Variants in ITGAV observed in about 807,000 individuals in gnomAD.
ITGAV encodes integrin subunit alpha V.
Under a neutral mutation model 143.8 loss-of-function variants are expected in ITGAV, and 76 were observed. That is an observed-to-expected ratio of 0.53 (90% CI 0.44 to 0.64). The LOEUF (loss-of-function observed/expected upper bound fraction) is 0.64. ITGAV is among the 30% of genes least tolerant of loss of function. The probability of loss-of-function intolerance (pLI) is 0.00; values close to 1 mark genes in which losing one functional copy is unlikely to be tolerated. For synonymous variants in ITGAV, 453 were observed against 446.7 expected (o/e 1.01, Z -0.18); for missense variants, 1,193 against 1,274.7 (o/e 0.94, Z 0.98).
intron 2 of ITGAV, among the ~76,000 whole-genome samples, chr2:186,610,085 C>A (rs7564648): frequency 6.6e-4 from 100 of 152,064 alleles, no homozygotes; most frequent in African/African-American, 2.4e-3. Flanking sequence ...CAGTACCCGT[C>A]TTATTAATTT....
At chr2:186,659,246 AGAG>A (rs1336449417) in intron 18 of ITGAV, 71 bp downstream of exon 18, 96 of 1,064,148 alleles carry the variant, frequency 9.0e-5, no homozygotes, top group Middle Eastern at 2.4e-4. Flanking sequence ...TTTAAATATT[AGAG>A]GAGATTTCCT....
chr2:186,600,968 A>G (rs1686886953), intron 1 of ITGAV, among the ~76,000 whole-genome samples: 1 of 152,060 alleles, frequency 6.6e-6, no homozygotes, highest in African/African-American at 2.4e-5. Context: ...TCAAAAAAAA[A>G]AAAAAAGGCA....
At chr2:186,667,989 T>G (rs1171756202) in intron 24 of ITGAV, 3 of 278,702 alleles carry the variant, frequency 1.1e-5, no homozygotes, top group Non-Finnish European at 2.0e-5. Flanking sequence ...TTTATATAAT[T>G]TGTTGTTTAA....
chr2:186,676,974 A>C (rs773593966), intron 29 of ITGAV, 39 bp downstream of exon 29: 1 of 1,595,822 alleles, frequency 6.3e-7, no homozygotes, highest in Non-Finnish European at 8.6e-7. Context: ...GAGGGAAAGC[A>C]GAAGAAAAGG....
chr2:186,619,484 C>CTAGAAAA (rs1687463774), intron 2 of ITGAV, among the ~76,000 whole-genome samples: 1 of 151,962 alleles, frequency 6.6e-6, no homozygotes, highest in Non-Finnish European at 1.5e-5. Context: ...GTGTTTTCTA[C>CTAGAAAA]CACTGTAGGG....
rs985363497 is a variant in ITGAV at position 186,590,310 on chromosome 2, C to T, written c.-29C>T. ...GGCGGGGGGAGGTGGCTACCGCTCC[C>T]GGCTTGGCGTCCCGCGCGCACTTCG... is the stretch of plus-strand genomic sequence containing the variant. On this transcript the variant is annotated 5_prime_UTR_variant, in exon 1 of 30. Transcript: ENST00000261023. 2 of 1,532,666 alleles carry T rather than the reference C, an allele frequency of 1.3e-6. No homozygotes were observed. The highest frequency in any genetic ancestry group is 2.9e-5 in the African/African-American group (2 of 69,750). The allele number at this position is 1,532,666 out of a possible 1,614,324, so 94.9% of individuals were successfully genotyped here. A position where few individuals can be genotyped will look rare whatever the true frequency, so the allele number is the denominator to read the frequency against.
At position 186,656,398 on chromosome 2, in the gene ITGAV, G is replaced by T; in HGVS notation, c.1716G>T (p.Leu572=). 1 of 1,473,350 alleles carries T rather than the reference G, an allele frequency of 6.8e-7. No homozygotes were observed. The highest frequency in any genetic ancestry group is 9.0e-7 in the Non-Finnish European group (1 of 1,116,056). 91.3% of individuals were successfully genotyped at this position (1,473,350 alleles called of 1,614,324 possible). Residue 572 remains leucine, a synonymous_variant, in exon 17 of 30, where the codon CTG becomes CTT. Transcript: ENST00000261023. ...LMQCEELIAY[L]RDESEFRDKL... is the part of the protein sequence containing the mutation. ...AGTGTGAGGAATTGATAGCGTATCT[G>T]CGGGTAAGAGCTAACTTTTCTGCTA...
chr2:186,615,023 C>T (rs1172810946), intron 2 of ITGAV, among the ~76,000 whole-genome samples: 1 of 151,988 alleles, frequency 6.6e-6, no homozygotes, highest in African/African-American at 2.4e-5. Context: ...CCATTTGTAC[C>T]TCCAGCCCTA....
intron 2 of ITGAV, among the ~76,000 whole-genome samples, chr2:186,616,310 G>A (rs529657265): frequency 9.4e-5 from 11 of 117,552 alleles, no homozygotes; most frequent in South Asian, 8.0e-4. Context: ...ACGGAGTCTC[G>A]CTCTGTCGCC....
At chr2:186,657,977 A>G (rs1688637807) in intron 17 of ITGAV, among the ~76,000 whole-genome samples, 1 of 152,168 alleles carries the variant, frequency 6.6e-6, no homozygotes, top group African/African-American at 2.4e-5. Context: ...AAATATTTCA[A>G]AGTCAATCTG....
intron 3 of ITGAV, among the ~76,000 whole-genome samples, chr2:186,625,260 C>T (rs1237250591): frequency 6.6e-6 from 1 of 151,934 alleles, no homozygotes; most frequent in African/African-American, 2.4e-5. Flanking sequence ...CATGTGGTGC[C>T]AGCTACTCAA....
chr2:186,633,765 A>T (rs7585442), intron 6 of ITGAV, among the ~76,000 whole-genome samples: 48,797 of 151,926 alleles, frequency 0.32, 8,833 homozygotes, highest in East Asian at 0.76. Flanking sequence ...GGCATTCTAA[A>T]AGTTGAAGGT....
intron 3 of ITGAV, among the ~76,000 whole-genome samples, chr2:186,623,693 C>T (rs1339183998): frequency 1.3e-5 from 2 of 152,254 alleles, no homozygotes; most frequent in Non-Finnish European, 2.9e-5. Flanking sequence ...TTGTTTCCTT[C>T]CATCAAAGAA....
Position 186,593,454 on chromosome 2 carries a change from G to A in ITGAV, c.185+2931G>A, listed in dbSNP as rs1438601741. On this transcript the variant is annotated intron_variant, in intron 1 of 29. Coordinates refer to ENST00000261023, the MANE Select transcript of ITGAV (RefSeq NM_002210.5). The stretch of plus-strand genomic sequence containing the variant: ...TTTTCAAAATTATGAAAAAACATTC[G>A]CATTCTGTTTTTTTTTCTATAAGCA... 1.0e-4 allele frequency among the ~76,000 whole-genome samples: 9 copies of A among 87,718 alleles called. No homozygotes were observed. The East Asian group carries it at 1.5e-3, about 15-fold the overall frequency. 57.5% of individuals were successfully genotyped at this position (87,718 alleles called of 152,430 possible). A position where few individuals can be genotyped will look rare whatever the true frequency, so the allele number is the denominator to read the frequency against.
At chr2:186,609,828 C>T (rs1407783416) in intron 2 of ITGAV, among the ~76,000 whole-genome samples, 1 of 151,684 alleles carries the variant, frequency 6.6e-6, no homozygotes, top group Non-Finnish European at 1.5e-5. Flanking sequence ...AAGGGTTATA[C>T]GTGTGTGGTG....
At chr2:186,593,662 C>G (rs1355464160) in intron 1 of ITGAV, among the ~76,000 whole-genome samples, 1 of 151,868 alleles carries the variant, frequency 6.6e-6, no homozygotes, top group Non-Finnish European at 1.5e-5. Context: ...GCACTTATAT[C>G]TCATTTCATT....
At chr2:186,601,934 C>T in intron 1 of ITGAV, 87 bp from the exon 2 acceptor site, 1 of 1,311,078 alleles carries the variant, frequency 7.6e-7, no homozygotes, top group Admixed American at 2.4e-5. Context: ...TAGATAATAT[C>T]AAGAGAATGA....
Position 186,619,294 on chromosome 2 carries a change from A to G in ITGAV, c.317-3045A>G, listed in dbSNP as rs556665673. Among the ~76,000 whole-genome samples the G allele has an allele frequency of 1.6e-4, 24 of 152,180 alleles. No homozygotes were observed. The East Asian group carries it at 4.3e-3, about 27-fold the overall frequency. On this transcript the variant is annotated intron_variant, in intron 2 of 29. Transcript: ENST00000261023. Reference sequence around the variant, plus strand: ...GGAGGATATTATGTTAAGTGAAATAAGCCAGGAACAGAAAATTAAACACTG... The same window carrying G: ...GGAGGATATTATGTTAAGTGAAATAGGCCAGGAACAGAAAATTAAACACTG...
intron 6 of ITGAV, among the ~76,000 whole-genome samples, chr2:186,635,770 A>G (rs1208911533): frequency 1.3e-5 from 2 of 152,180 alleles, no homozygotes; most frequent in Non-Finnish European, 2.9e-5. Flanking sequence ...GTTTTAATGG[A>G]TTAGTTGGGT....
Sources: gnomAD v4.1 joint callset for allele counts (sites outside exome capture counted in the v4.1 genomes callset) on GRCh38, gnomAD v4.1.1 for gene constraint, MANE v1.5 for transcripts, NCBI Gene and HGNC (gene_info 2026-07-23, HGNC 2026-07-21) for gene names.